The following GBP7 variants were observed in gnomAD, a reference collection of about 807,000 sequenced individuals.
GBP7 encodes guanylate-binding protein 7.
GBP7 carries 43 observed loss-of-function variants against 61.3 expected under a neutral mutation model. The ratio of observed to expected loss-of-function variants is 0.70; its 90% CI spans 0.55 to 0.91. The LOEUF (loss-of-function observed/expected upper bound fraction) is 0.91, where lower values mean the gene tolerates loss of function less well. GBP7 is among the 40% of genes least tolerant of loss of function. The pLI, the probability that GBP7 is intolerant of heterozygous loss-of-function variation, is 0.00. For missense variants in GBP7, 717 were observed against 740.5 expected (o/e 0.97, Z 0.37); for synonymous variants, 267 against 271.0 (o/e 0.99, Z 0.14).
chr1:89,159,850 C>T (rs1029709332), intron 3 of GBP7, among the ~76,000 whole-genome samples: 1 of 152,184 alleles, frequency 6.6e-6, no homozygotes, highest in Non-Finnish European at 1.5e-5. Flanking sequence ...ACCCAGCCAT[C>T]CTATTACTGG....
intron 3 of GBP7, among the ~76,000 whole-genome samples, chr1:89,163,569 A>G (rs1156554074): frequency 1.4e-5 from 2 of 139,504 alleles, no homozygotes; most frequent in East Asian, 4.2e-4. Flanking sequence ...GGTTTTCTTA[A>G]TATTGTATTT....
At chr1:89,147,509 C>A (rs1682095827) in intron 8 of GBP7, 58 bp downstream of exon 8, 6 of 1,342,276 alleles carry the variant, frequency 4.5e-6, no homozygotes, top group Non-Finnish European at 6.4e-6. Flanking sequence ...TCAGAAGAGG[C>A]AACGAAGACC....
intron 3 of GBP7, among the ~76,000 whole-genome samples, chr1:89,156,620 A>C (rs185020023): frequency 1.4e-4 from 21 of 152,350 alleles, no homozygotes; most frequent in African/African-American, 4.6e-4. Context: ...AGGCCATTAC[A>C]TAATGATAAA....
intron 6 of GBP7, 61 bp downstream of exon 6, chr1:89,150,269 T>G: frequency 6.7e-7 from 1 of 1,484,524 alleles, no homozygotes. Context: ...ATAAGCTTAG[T>G]TTACTAGTTT....
rs2100632028 is a variant in GBP7, at chr1:89,132,370, CT to C, written c.1695del (p.Glu566ArgfsTer6). 2 of 1,611,704 alleles carry C rather than the reference CT, an allele frequency of 1.2e-6. No individual in the cohort carries two copies. Among genetic ancestry groups the C allele is most frequent in the Non-Finnish European group, 1.7e-6 (2 of 1,178,856 alleles). ...VLEELLTEGF[K>X]EIFESLNEEI... Reference sequence around the variant, plus strand: ...TCTTCATTTAACGACTCAAATATCTCTTTAAATCCTTCAGTAAGCAGTTCTT... The same window carrying C: ...TCTTCATTTAACGACTCAAATATCTCTTAAATCCTTCAGTAAGCAGTTCTT... On this transcript the variant is annotated frameshift_variant, in exon 11 of 11. Coordinates refer to ENST00000294671, the MANE Select transcript of GBP7 (RefSeq NM_207398.3). LOFTEE classifies it low-confidence loss of function (END_TRUNC).
chr1:89,134,091 C>T (rs1447511986), intron 9 of GBP7, among the ~76,000 whole-genome samples: 2 of 152,182 alleles, frequency 1.3e-5, no homozygotes, highest in Non-Finnish European at 2.9e-5. Context: ...GCTGCATCCA[C>T]TTAAAGTGCA....
chr1:89,152,916 T>A (rs1682239066), intron 3 of GBP7, 139 bp from the exon 4 acceptor site: 1 of 532,286 alleles, frequency 1.9e-6, no homozygotes, highest in South Asian at 4.4e-5. Context: ...AACACAAATG[T>A]AAGCTTTATA....
At chr1:89,165,511 A>AG (rs1491386345) in intron 2 of GBP7, among the ~76,000 whole-genome samples, 6 of 127,668 alleles carry the variant, frequency 4.7e-5, no homozygotes, top group African/African-American at 1.7e-4. Context: ...AAAAAAAAAG[A>AG]AAAAAAAAAA....
At chr1:89,134,679 A>T (rs929320066) in intron 9 of GBP7, among the ~76,000 whole-genome samples, 1 of 152,118 alleles carries the variant, frequency 6.6e-6, no homozygotes, top group Non-Finnish European at 1.5e-5. Flanking sequence ...AAACAAAATA[A>T]AAGCCAAAAA....
intron 10 of GBP7, 89 bp from the exon 11 acceptor site, chr1:89,132,492 G>A (rs1681704327): frequency 2.1e-6 from 2 of 942,864 alleles, no homozygotes; most frequent in Non-Finnish European, 3.2e-6. Context: ...TTAAACATGT[G>A]TCCATTTCTC....
chr1:89,161,362 A>G (rs1425040496), intron 3 of GBP7, among the ~76,000 whole-genome samples: 1 of 152,144 alleles, frequency 6.6e-6, no homozygotes, highest in Non-Finnish European at 1.5e-5. Flanking sequence ...GTCTCCCACA[A>G]TGGTTTAACT....
At chr1:89,169,004 T>C (rs1289691383) in intron 2 of GBP7, among the ~76,000 whole-genome samples, 2 of 151,682 alleles carry the variant, frequency 1.3e-5, no homozygotes, top group African/African-American at 4.9e-5. Context: ...AAAAAACTCC[T>C]GTGGAAGCTG....
chr1:89,150,300 G>A (rs1682162522), intron 6 of GBP7, 30 bp downstream of exon 6: 4 of 1,600,206 alleles, frequency 2.5e-6, no homozygotes, highest in Non-Finnish European at 3.4e-6. Context: ...GTAGGCCTCA[G>A]TAAACACCCA....
intron 3 of GBP7, among the ~76,000 whole-genome samples, chr1:89,153,852 G>T (rs1235513424): frequency 6.6e-6 from 1 of 152,216 alleles, no homozygotes; most frequent in Non-Finnish European, 1.5e-5. Flanking sequence ...GCAGTAGGTT[G>T]AAACGAGCTG....
chr1:89,164,430 C>T (rs1047859181), intron 3 of GBP7, among the ~76,000 whole-genome samples: 23 of 152,188 alleles, frequency 1.5e-4, no homozygotes, highest in Admixed American at 3.3e-4. Flanking sequence ...CATTGATTAG[C>T]GTAGAGCTTT....
At chr1:89,149,003 C>T (rs1484306209) in intron 7 of GBP7, among the ~76,000 whole-genome samples, 1 of 152,030 alleles carries the variant, frequency 6.6e-6, no homozygotes, top group African/African-American at 2.4e-5. Context: ...ATACTATTCT[C>T]TAAGTAATTT....
At chr1:89,143,603 A>G (rs770576044) in intron 8 of GBP7, among the ~76,000 whole-genome samples, 8 of 152,306 alleles carry the variant, frequency 5.3e-5, no homozygotes, top group Non-Finnish European at 8.8e-5. Flanking sequence ...TGCAGGCTTT[A>G]CAGGAAACAT....
chr1:89,148,665 T>TC (rs1278937399), intron 7 of GBP7, among the ~76,000 whole-genome samples: 1 of 152,122 alleles, frequency 6.6e-6, no homozygotes, highest in African/African-American at 2.4e-5. Context: ...GGAGAGAGGT[T>TC]CCCCTGAGCA....
At chr1:89,146,331 A>G (rs533454852) in intron 8 of GBP7, among the ~76,000 whole-genome samples, 1 of 152,340 alleles carries the variant, frequency 6.6e-6, no homozygotes, top group South Asian at 2.1e-4. Context: ...AACTCCTAAG[A>G]GAAAACCCAG....
Sources: gnomAD v4.1 joint callset for allele counts (sites outside exome capture counted in the v4.1 genomes callset) on GRCh38, gnomAD v4.1.1 for gene constraint, MANE v1.5 for transcripts, NCBI Gene and HGNC (gene_info 2026-07-23, HGNC 2026-07-21) for gene names.